The following LEPR variants were observed in gnomAD, a reference collection of about 807,000 sequenced individuals.
LEPR encodes leptin receptor.
A neutral mutation model predicts 114.7 loss-of-function variants in LEPR; 56 were observed. The ratio of observed to expected loss-of-function variants is 0.49; its 90% confidence interval spans 0.39 to 0.61. The LOEUF (loss-of-function observed/expected upper bound fraction) is 0.61. Ranked by LOEUF, LEPR falls within the 20% of genes least tolerant of loss-of-function variation. The probability of loss-of-function intolerance (pLI) is 0.00; values close to 1 mark genes in which losing one functional copy is unlikely to be tolerated. For missense variants in LEPR, 1,202 were observed against 1,352.9 expected, an observed-to-expected ratio of 0.89 and a Z score of 1.75; for synonymous variants, 443 against 461.4, an observed-to-expected ratio of 0.96 and a Z score of 0.51.
intron 14 of LEPR, 105 bp downstream of exon 14, chr1:65,610,401 C>T: frequency 1.0e-6 from 1 of 975,008 alleles, no homozygotes; most frequent in Non-Finnish European, 1.5e-6. Flanking sequence ...CTCAACAATC[C>T]TGTATTTTCA....
chr1:65,582,688 T>G (rs1469883503), intron 5 of LEPR, among the ~76,000 whole-genome samples: 1 of 152,234 alleles, frequency 6.6e-6, no homozygotes, highest in Non-Finnish European at 1.5e-5. Context: ...ATAAATTCTT[T>G]GAGTTCTGAT....
intron 2 of LEPR, among the ~76,000 whole-genome samples, chr1:65,499,482 T>G (rs952457407): frequency 2.0e-5 from 3 of 152,122 alleles, no homozygotes; most frequent in Admixed American, 2.0e-4. Flanking sequence ...TTTCTGGATA[T>G]AAATATCAGC....
intron 2 of LEPR, among the ~76,000 whole-genome samples, chr1:65,511,970 G>A (rs1234106816): frequency 6.6e-6 from 1 of 152,202 alleles, no homozygotes; most frequent in South Asian, 2.1e-4. Flanking sequence ...TCTGCAGACT[G>A]TACAGGAAGC....
chr1:65,628,715 G>T (rs1372042666), intron 19 of LEPR, among the ~76,000 whole-genome samples: 1 of 152,034 alleles, frequency 6.6e-6, no homozygotes, highest in Non-Finnish European at 1.5e-5. Flanking sequence ...TAAGGTGTTT[G>T]AACACTTTTT....
At chr1:65,565,743 A>C in intron 3 of LEPR, 138 bp downstream of exon 3, 1 of 1,181,840 alleles carries the variant, frequency 8.5e-7, no homozygotes, top group South Asian at 1.3e-5. Flanking sequence ...TATGATTAAA[A>C]ATGCAAACCA....
rs566792226 is a variant in LEPR, at chr1:65,432,677, G to A, written c.-21+7299G>A. ...TTTATGAAAAGTGTTCTCAGAATTGGGAGACAGTCAAAGGGTACAAAGCCT... is the reference window on the plus strand; with the variant it reads ...TTTATGAAAAGTGTTCTCAGAATTGAGAGACAGTCAAAGGGTACAAAGCCT... On this transcript the variant is annotated intron_variant, in intron 2 of 19. Coordinates refer to ENST00000349533, the MANE Select transcript of LEPR (RefSeq NM_002303.6). 4.1e-5 allele frequency: 40 copies of A among 979,358 alleles called. 1 individual carries two copies. Among genetic ancestry groups the A allele is most frequent in the Middle Eastern group, 5.2e-4 (1 of 1,908 alleles). The allele number at this position is 979,358 out of a possible 1,614,324, so 60.7% of individuals were successfully genotyped here.
intron 5 of LEPR, among the ~76,000 whole-genome samples, chr1:65,585,498 A>C (rs561041136): frequency 6.6e-6 from 1 of 152,080 alleles, no homozygotes; most frequent in Non-Finnish European, 1.5e-5. Context: ...CTAAAGAATT[A>C]TATCTCTACC....
At chr1:65,477,092 T>C (rs1647167545) in intron 2 of LEPR, among the ~76,000 whole-genome samples, 2 of 152,232 alleles carry the variant, frequency 1.3e-5, no homozygotes, top group African/African-American at 4.8e-5. Context: ...CTTCTTTTTT[T>C]GTAGCTATAA....
chr1:65,476,764 A>G (rs886785858), intron 2 of LEPR, among the ~76,000 whole-genome samples: 10 of 152,196 alleles, frequency 6.6e-5, no homozygotes, highest in Non-Finnish European at 1.3e-4. Context: ...CAGTAACCCA[A>G]TTGAGGGGAA....
At chr1:65,538,120 A>G (rs1395645912) in intron 2 of LEPR, among the ~76,000 whole-genome samples, 1 of 152,042 alleles carries the variant, frequency 6.6e-6, no homozygotes, top group East Asian at 1.9e-4. Flanking sequence ...TTCATCCTTA[A>G]TAATTTTCAG....
At chr1:65,628,759 G>A (rs1658359857) in intron 19 of LEPR, among the ~76,000 whole-genome samples, 1 of 151,998 alleles carries the variant, frequency 6.6e-6, no homozygotes, top group Non-Finnish European at 1.5e-5. Flanking sequence ...CAGGAAGTAT[G>A]GTTGTATATG....
intron 5 of LEPR, among the ~76,000 whole-genome samples, chr1:65,575,065 A>G (rs1195062397): frequency 5.9e-5 from 9 of 152,164 alleles, no homozygotes; most frequent in Admixed American, 3.3e-4. Context: ...AGAATATGAA[A>G]AAAACCTGGT....
chr1:65,423,287 T>C (rs565259906), intron 1 of LEPR, among the ~76,000 whole-genome samples: 2 of 151,166 alleles, frequency 1.3e-5, no homozygotes, highest in South Asian at 2.1e-4. Flanking sequence ...TCAGCAGGAG[T>C]GCGTGGAGTG....
intron 8 of LEPR, 128 bp from the exon 9 acceptor site, chr1:65,601,264 T>G: frequency 8.5e-7 from 1 of 1,170,380 alleles, no homozygotes; most frequent in Non-Finnish European, 1.2e-6. Flanking sequence ...TTATCCAGTT[T>G]TTAAATTACA....
chr1:65,537,084 A>G (rs1445287186), intron 2 of LEPR, among the ~76,000 whole-genome samples: 1 of 152,208 alleles, frequency 6.6e-6, no homozygotes, highest in African/African-American at 2.4e-5. Flanking sequence ...AATTTAAACA[A>G]TGATGCTGAT....
At chr1:65,620,125 AAG>A in intron 17 of LEPR, 102 bp downstream of exon 17, 1 of 912,888 alleles carries the variant, frequency 1.1e-6, no homozygotes, top group Non-Finnish European at 1.7e-6. Flanking sequence ...AGAATCATGG[AAG>A]AGTCCAAAGT....
At chr1:65,611,582 C>T (rs1399786650) in intron 14 of LEPR, among the ~76,000 whole-genome samples, 1 of 151,750 alleles carries the variant, frequency 6.6e-6, no homozygotes, top group Non-Finnish European at 1.5e-5. Context: ...CCTCTCAGAG[C>T]TGTAGTCAAC....
In LEPR at chr1:65,492,813, C is replaced by CTT. The variant is rs559527193; in HGVS notation, c.-21+67446_-21+67447dup. Reference sequence around the variant, plus strand: ...ATCTCATATGTTAAAATTCATCCATCTTTTTTTTTTTTCCAAAAAAGTGAA... The same window carrying CTT: ...ATCTCATATGTTAAAATTCATCCATCTTTTTTTTTTTTTTCCAAAAAAGTGAA... On this transcript the variant is annotated intron_variant, in intron 2 of 19. Transcript: ENST00000349533. Among the ~76,000 whole-genome samples the CTT allele has an allele frequency of 1.3e-3, 179 of 141,008 alleles. 1 individual carries two copies. The highest frequency in any genetic ancestry group is 4.2e-3 in the South Asian group (19 of 4,484). 92.5% of individuals were successfully genotyped at this position (141,008 alleles called of 152,430 possible). A position where few individuals can be genotyped will look rare whatever the true frequency, so the allele number is the denominator to read the frequency against.
chr1:65,455,433 A>C (rs1054588510), intron 2 of LEPR, among the ~76,000 whole-genome samples: 12 of 152,044 alleles, frequency 7.9e-5, no homozygotes, highest in African/African-American at 2.4e-4. Context: ...TTGGTCTTTG[A>C]TGATGGTGAT....
Sources: gnomAD v4.1 joint callset for allele counts (sites outside exome capture counted in the v4.1 genomes callset) on GRCh38, gnomAD v4.1.1 for gene constraint, MANE v1.5 for transcripts, NCBI Gene and HGNC (gene_info 2026-07-23, HGNC 2026-07-21) for gene names.